Variants in ARHGAP32 observed in about 807,000 individuals in gnomAD.
ARHGAP32 encodes the protein rho GTPase-activating protein 32.
Under a neutral mutation model 186.5 loss-of-function variants are expected in ARHGAP32, and 51 were observed. The ratio of observed to expected loss-of-function variants is 0.27; its 90% confidence interval spans 0.22 to 0.35. The LOEUF (loss-of-function observed/expected upper bound fraction) is 0.35. ARHGAP32 is among the 10% of genes least tolerant of loss of function. The pLI is 1.00. For synonymous variants in ARHGAP32, 950 were observed against 964.3 expected, an observed-to-expected ratio of 0.99 and a Z score of 0.27; for missense variants, 2,186 against 2,623.5, an observed-to-expected ratio of 0.83 and a Z score of 3.64.
chr11:129,097,446 C>A (rs928717897), intron 5 of ARHGAP32, among the ~76,000 whole-genome samples: 1 of 151,892 alleles, frequency 6.6e-6, no homozygotes, highest in African/African-American at 2.4e-5. Context: ...ATTATATAAA[C>A]AAAATAGAAA....
At chr11:129,194,841 C>A (rs1944370700), upstream of ARHGAP32, among the ~76,000 whole-genome samples, 2 of 150,460 alleles carry the variant, frequency 1.3e-5, no homozygotes, top group Admixed American at 6.6e-5. Flanking sequence ...TAAATAGAAT[C>A]TTTCATGACC....
intron 1 of ARHGAP32, among the ~76,000 whole-genome samples, chr11:129,214,948 G>C (rs974204155): frequency 6.6e-6 from 1 of 152,168 alleles, no homozygotes; most frequent in Non-Finnish European, 1.5e-5. Context: ...AAACAAGCAG[G>C]ACAGTTTGTC....
At chr11:129,126,421 G>A in intron 2 of ARHGAP32, among the ~76,000 whole-genome samples, 1 of 152,184 alleles carries the variant, frequency 6.6e-6, no homozygotes, top group South Asian at 2.1e-4. Context: ...ATACTGTGTT[G>A]CCTAAACTGC....
intron 12 of ARHGAP32, among the ~76,000 whole-genome samples, chr11:128,989,496 CTTTTG>C (rs977427785): frequency 1.3e-4 from 18 of 136,492 alleles, no homozygotes; most frequent in African/African-American, 2.7e-4. Flanking sequence ...AGAGCCAATG[CTTTTG>C]TTTTGTTTTT....
At chr11:129,004,672 T>C (rs1012832691) in intron 11 of ARHGAP32, among the ~76,000 whole-genome samples, 15 of 152,162 alleles carry the variant, frequency 9.9e-5, no homozygotes, top group Non-Finnish European at 1.2e-4. Context: ...TTTTGTCTTA[T>C]GTAAGTATAG....
At chr11:129,159,617 T>C (rs1310351588) in intron 2 of ARHGAP32, among the ~76,000 whole-genome samples, 1 of 150,190 alleles carries the variant, frequency 6.7e-6, no homozygotes, top group Non-Finnish European at 1.5e-5. Flanking sequence ...ATCAGACGGA[T>C]TCACAGCCAA....
intron 1 of ARHGAP32, among the ~76,000 whole-genome samples, chr11:129,180,662 TA>T (rs1466502481): frequency 6.6e-6 from 1 of 152,178 alleles, no homozygotes; most frequent in Non-Finnish European, 1.5e-5. Flanking sequence ...GGACAAATTT[TA>T]TGCTTAAAGT....
At chr11:129,056,851 C>A (rs556156530) in intron 10 of ARHGAP32, among the ~76,000 whole-genome samples, 1 of 152,292 alleles carries the variant, frequency 6.6e-6, no homozygotes, top group Admixed American at 6.5e-5. Flanking sequence ...ACTCAGCCTC[C>A]ATCATGGGAA....
chr11:128,999,235 G>C (rs993093964), intron 11 of ARHGAP32, among the ~76,000 whole-genome samples: 4 of 152,196 alleles, frequency 2.6e-5, no homozygotes, highest in Non-Finnish European at 5.9e-5. Flanking sequence ...GGGAGTGTCT[G>C]TCTTATGCAG....
At chr11:128,996,513 AAATC>A (rs754706639) in intron 12 of ARHGAP32, among the ~76,000 whole-genome samples, 27 of 152,196 alleles carry the variant, frequency 1.8e-4, no homozygotes, top group Non-Finnish European at 3.8e-4. Flanking sequence ...TCTCAAAACA[AAATC>A]AATTCACATT....
intron 2 of ARHGAP32, among the ~76,000 whole-genome samples, chr11:129,156,708 G>C (rs377403398): frequency 2.3e-3 from 350 of 152,334 alleles, no homozygotes; most frequent in African/African-American, 8.2e-3. Flanking sequence ...GGATCTCCCA[G>C]CACAGCGCTG....
rs563103169 is a variant in ARHGAP32, at chr11:129,114,801, T to C, written c.444+8645A>G. ...TATCTTTGGAGTTATTTTTCCTGTA[T>C]TGAGTTCACTTTTCTATCACCATGG... On this transcript the variant is annotated intron_variant, in intron 5 of 22. Coordinates refer to ENST00000682385, the MANE Select transcript of ARHGAP32 (RefSeq NM_001378024.1). Among the ~76,000 whole-genome samples, 4 of 152,256 alleles carry C rather than the reference T, an allele frequency of 2.6e-5. No homozygotes were observed. In the South Asian group the frequency reaches 6.2e-4, roughly 24 times the overall value.
intron 2 of ARHGAP32, among the ~76,000 whole-genome samples, chr11:129,131,019 A>C (rs1661424486): frequency 6.6e-6 from 1 of 152,194 alleles, no homozygotes; most frequent in Non-Finnish European, 1.5e-5. Flanking sequence ...ATAATTATTA[A>C]TATATTAAAC....
intron 1 of ARHGAP32, among the ~76,000 whole-genome samples, chr11:129,213,624 TTAATG>T (rs1439803278): frequency 6.6e-6 from 1 of 152,158 alleles, no homozygotes; most frequent in Non-Finnish European, 1.5e-5. Context: ...TTAGTAACAT[TTAATG>T]TAATATAAAT....
chr11:129,201,438 A>G (rs1020554324), intron 1 of ARHGAP32, among the ~76,000 whole-genome samples: 3 of 152,190 alleles, frequency 2.0e-5, no homozygotes, highest in Admixed American at 6.5e-5. Flanking sequence ...GAAAAATACT[A>G]TAACGGTATA....
In ARHGAP32 at chr11:129,059,496, ATT is replaced by A. The variant is rs10677456; in HGVS notation, c.963+2782_963+2783del. Among the ~76,000 whole-genome samples the A allele has an allele frequency of 4.8e-4, 55 of 115,630 alleles. No homozygotes were observed. The South Asian group carries it at 6.8e-3, about 14-fold the overall frequency. The allele number at this position is 115,630 out of a possible 152,430, so 75.9% of individuals were successfully genotyped here. A position where few individuals can be genotyped will look rare whatever the true frequency, so the allele number is the denominator to read the frequency against. On this transcript the variant is annotated intron_variant, in intron 10 of 22. Transcript: ENST00000682385. ...TCCTGCCTTAAAATACTGATTTGCA[ATT>A]TTTTTTTTTTTTTTTTTTTGAGGTG... is the stretch of plus-strand genomic sequence containing the variant.
At chr11:129,180,364 G>A (rs997729634) in intron 1 of ARHGAP32, among the ~76,000 whole-genome samples, 5 of 152,052 alleles carry the variant, frequency 3.3e-5, no homozygotes, top group Non-Finnish European at 5.9e-5. Context: ...CTGACTAGAA[G>A]GGACAAAGGT....
At chr11:129,179,430 C>A (rs553544640) in intron 1 of ARHGAP32, among the ~76,000 whole-genome samples, 24 of 151,852 alleles carry the variant, frequency 1.6e-4, no homozygotes, top group South Asian at 6.2e-4. Context: ...TTGACCCAGC[C>A]ATCCCATTAA....
At chr11:129,260,613 T>C (rs1352583113) in intron 1 of ARHGAP32, among the ~76,000 whole-genome samples, 2 of 152,310 alleles carry the variant, frequency 1.3e-5, no homozygotes, top group African/African-American at 4.8e-5. Flanking sequence ...ATTGTCTTTA[T>C]CTATATACTT....
Sources: allele counts gnomAD v4.1 joint callset (sites outside exome capture counted in the v4.1 genomes callset), GRCh38; gene constraint gnomAD v4.1.1; transcripts MANE v1.5; gene names NCBI Gene and HGNC (gene_info 2026-07-23, HGNC 2026-07-21).